Variants in ADAMTS9 observed in about 807,000 individuals in gnomAD.
The protein encoded by ADAMTS9 is A disintegrin and metalloproteinase with thrombospondin motifs 9.
A neutral mutation model predicts 257.1 loss-of-function variants in ADAMTS9; 107 were observed. The observed-to-expected ratio is 0.42, with a 90% CI of 0.36 to 0.49. The LOEUF (loss-of-function observed/expected upper bound fraction) is 0.49. ADAMTS9 is among the 20% of genes least tolerant of loss of function. ADAMTS9 has a pLI of 0.03. For synonymous variants in ADAMTS9, 982 were observed against 880.9 expected, an observed-to-expected ratio of 1.11 and a Z score of -2.03; for missense variants, 2,353 against 2,469.1, an observed-to-expected ratio of 0.95 and a Z score of 1.00.
chr3:64,568,217 C>T, intron 29 of ADAMTS9, 151 bp downstream of exon 29: 1 of 748,396 alleles, frequency 1.3e-6, no homozygotes, highest in East Asian at 2.8e-5. Flanking sequence ...TAGTAAGTAT[C>T]CTGACTATCT....
At position 64,541,819 on chromosome 3, in the gene ADAMTS9, C is replaced by T. The variant is rs1168458422; in HGVS notation, c.5197+19G>A. ...TGTTCTTCATGCTAAAGAAAGATAA[C>T]TTCAGTTGGCCAACTTACAGTTATA... On this transcript the variant is annotated intron_variant, in intron 33 of 39. Transcript: ENST00000498707. 2 of 1,613,860 alleles carry T rather than the reference C, an allele frequency of 1.2e-6. No individual in the cohort carries two copies. The highest frequency in any genetic ancestry group is 1.7e-6 in the Non-Finnish European group (2 of 1,179,890).
intron 30 of ADAMTS9, among the ~76,000 whole-genome samples, chr3:64,559,876 C>T (rs990229047): frequency 2.0e-5 from 3 of 152,150 alleles, no homozygotes; most frequent in South Asian, 4.1e-4. Flanking sequence ...TCTTACTTTC[C>T]GCTCCTCGGA....
chr3:64,634,847 C>T (rs1215986523), intron 12 of ADAMTS9, among the ~76,000 whole-genome samples: 1 of 152,090 alleles, frequency 6.6e-6, no homozygotes, highest in Non-Finnish European at 1.5e-5. Context: ...GGGTTTTTGG[C>T]TGCTTTGTTT....
At chr3:64,625,288 G>C (rs573777717) in intron 16 of ADAMTS9, among the ~76,000 whole-genome samples, 48 of 152,246 alleles carry the variant, frequency 3.2e-4, no homozygotes, top group South Asian at 2.1e-4. Context: ...AGATGTCTTA[G>C]GTATTAGCTA....
chr3:64,643,348 AAACT>A (rs1469792620), intron 11 of ADAMTS9, among the ~76,000 whole-genome samples: 2 of 152,152 alleles, frequency 1.3e-5, no homozygotes, highest in African/African-American at 4.8e-5. Context: ...GTCACATAAA[AAACT>A]AATAAAAAAC....
intron 22 of ADAMTS9, among the ~76,000 whole-genome samples, chr3:64,611,406 C>A (rs1052926922): frequency 2.6e-5 from 4 of 152,106 alleles, no homozygotes; most frequent in Non-Finnish European, 5.9e-5. Context: ...TGCATGATTC[C>A]ATTTCTATGA....
At chr3:64,522,558 T>A (rs1175576361) in intron 38 of ADAMTS9, 1 of 235,862 alleles carries the variant, frequency 4.2e-6, no homozygotes, top group Non-Finnish European at 8.3e-6. Context: ...TCATATGAAA[T>A]TCAAATTTCA....
At position 64,647,989 on chromosome 3, in the gene ADAMTS9, C is replaced by T. The variant is rs777923818; in HGVS notation, c.1661G>A (p.Arg554Gln). The stretch of plus-strand genomic sequence containing the variant: ...ATCGGCCCAGGGTGTGTGCTGAGTC[C>T]GGCAGCCTTTGTGTACTCCATTGAC... ...NNVNGVHKGC[R>Q]TQHTPWADGT... The change falls in exon 11 of 40, where the codon CGG (arginine) becomes CAG (glutamine). Residue 554 changes from arginine to glutamine, a missense_variant. Physicochemically the swap from Arg to Gln is conservative, Grantham distance 43. Transcript: ENST00000498707. 1.7e-5 allele frequency: 27 copies of T among 1,613,696 alleles called. No homozygotes were observed. Among genetic ancestry groups the T allele is most frequent in the African/African-American group, 4.0e-5 (3 of 74,920 alleles).
At chr3:64,608,999 C>T (rs768969994) in intron 22 of ADAMTS9, among the ~76,000 whole-genome samples, 11 of 150,840 alleles carry the variant, frequency 7.3e-5, no homozygotes, top group African/African-American at 1.5e-4. Context: ...CAATACATTA[C>T]GTTAATAGAA....
intron 28 of ADAMTS9, among the ~76,000 whole-genome samples, chr3:64,570,463 A>G (rs2083651537): frequency 6.6e-6 from 1 of 152,146 alleles, no homozygotes; most frequent in Admixed American, 6.5e-5. Context: ...AAGAGTTTCA[A>G]GTCAGAGTAA....
Position 64,622,474 on chromosome 3 carries a change from A to T in ADAMTS9, c.2502T>A (p.Thr834=). 1 of 1,614,094 alleles carries T rather than the reference A, an allele frequency of 6.2e-7. No homozygotes were observed. The highest frequency in any genetic ancestry group is 8.5e-7 in the Non-Finnish European group (1 of 1,179,980). ...NAVVEYSGSE[T]AVERINSTDR... is the part of the protein sequence containing the mutation. ...CTGTTGAGTTAATTCTTTCTACGGCAGTCTCGGACCCACTGTACTCTACCA... is the reference window on the plus strand; with the variant it reads ...CTGTTGAGTTAATTCTTTCTACGGCTGTCTCGGACCCACTGTACTCTACCA... The change falls in exon 17 of 40, where the codon ACT becomes ACA. Residue 834 remains threonine (T), a synonymous_variant. Transcript: ENST00000498707.
rs755480110 is a variant in ADAMTS9, at chr3:64,517,416, G to GTTTTTTTTTTTTTT, written c.*6-309_*6-296dup. 3.1e-3 allele frequency among the ~76,000 whole-genome samples: 161 copies of GTTTTTTTTTTTTTT among 52,664 alleles called. 56 individuals carry two copies. Among genetic ancestry groups the GTTTTTTTTTTTTTT allele is most frequent in the East Asian group, 0.015 (21 of 1,446 alleles). The allele number at this position is 52,664 out of a possible 152,430, so 34.5% of individuals were successfully genotyped here. On this transcript the variant is annotated intron_variant, in intron 39 of 39. Transcript: ENST00000498707. Reference sequence around the variant, plus strand: ...CATCAAGCCCAGCTAATTAAAAATGGTTTTTTTTTTTTTTTTTTTTTTTGC... The same window carrying GTTTTTTTTTTTTTT: ...CATCAAGCCCAGCTAATTAAAAATGGTTTTTTTTTTTTTTTTTTTTTTTTTTTTTTTTTTTTTGC...
rs143526995 is a variant in ADAMTS9, at chr3:64,529,817, GGTTTT to G, written c.5718+3344_5718+3348del. On this transcript the variant is annotated intron_variant, in intron 38 of 39. Coordinates refer to ENST00000498707, the MANE Select transcript of ADAMTS9 (RefSeq NM_182920.2). The stretch of plus-strand genomic sequence containing the variant: ...CTCTCCTCAGACTGATCATGTGGTG[GGTTTT>G]GTTTTGTTTTGTTTTGAGATGGGTC... 2.6e-5 allele frequency among the ~76,000 whole-genome samples: 4 copies of G among 151,758 alleles called. No individual in the cohort carries two copies. The East Asian group carries it at 5.8e-4, about 22-fold the overall frequency.
Position 64,568,348 on chromosome 3 carries a change from AGAG to A in ADAMTS9, c.4524+17_4524+19del, listed in dbSNP as rs755583758. The A allele has an allele frequency of 1.6e-4, 253 of 1,600,088 alleles. 1 individual carries two copies. The Middle Eastern group carries it at 3.7e-3, about 23-fold the overall frequency. On this transcript the variant is annotated intron_variant, in intron 29 of 39. Coordinates refer to ENST00000498707, the MANE Select transcript of ADAMTS9 (RefSeq NM_182920.2). ...GGCCAAACGTAAGGAAGCAGTCAGT[AGAG>A]GAGAAGCATTGCTCACCTGACTCCA...
chr3:64,559,365 T>C lies in ADAMTS9; in HGVS notation c.4698+2213A>G, dbSNP rs955547833. Among the ~76,000 whole-genome samples, 13 of 152,268 alleles carry C rather than the reference T, an allele frequency of 8.5e-5. No homozygotes were observed. In the East Asian group the frequency reaches 2.3e-3, roughly 27 times the overall value. On this transcript the variant is annotated intron_variant, in intron 30 of 39. Coordinates refer to ENST00000498707, the MANE Select transcript of ADAMTS9 (RefSeq NM_182920.2). ...ATGAGAGGCCTCCTGTAGAATACCA[T>C]AGGAATATCATAGGAGATACTCCTA...
At chr3:64,630,133 C>T (rs866511057) in intron 16 of ADAMTS9, among the ~76,000 whole-genome samples, 1 of 35,816 alleles carries the variant, frequency 2.8e-5, no homozygotes, top group Admixed American at 2.8e-4. Flanking sequence ...GTAAGCCATG[C>T]GGCTGGGAAG....
At chr3:64,574,573 A>G (rs1045718174) in intron 28 of ADAMTS9, among the ~76,000 whole-genome samples, 4 of 151,638 alleles carry the variant, frequency 2.6e-5, no homozygotes, top group East Asian at 3.9e-4. Flanking sequence ...AAAAAAAAAA[A>G]AAAAGAAAAA....
intron 3 of ADAMTS9, among the ~76,000 whole-genome samples, chr3:64,668,882 G>A (rs1183119353): frequency 6.6e-6 from 1 of 152,132 alleles, no homozygotes; most frequent in Non-Finnish European, 1.5e-5. Flanking sequence ...CTTTAAAAAG[G>A]CATCTAAGCA....
At chr3:64,527,305 G>T (rs956527059) in intron 38 of ADAMTS9, among the ~76,000 whole-genome samples, 5 of 152,090 alleles carry the variant, frequency 3.3e-5, no homozygotes, top group Non-Finnish European at 5.9e-5. Flanking sequence ...ATTAAGAATA[G>T]TTTGTATTTC....
Sources: allele counts gnomAD v4.1 joint callset (sites outside exome capture counted in the v4.1 genomes callset), GRCh38; gene constraint gnomAD v4.1.1; transcripts MANE v1.5; gene names NCBI Gene and HGNC (gene_info 2026-07-23, HGNC 2026-07-21).